NELL2: variants seen among roughly 807,000 people sequenced by gnomAD.
NELL2 encodes the protein protein kinase C-binding protein NELL2.
NELL2 carries 41 observed loss-of-function variants against 109.6 expected under a neutral mutation model. The ratio of observed to expected loss-of-function variants is 0.37; its 90% CI spans 0.29 to 0.49. The LOEUF is 0.49. Among genes scored for constraint, NELL2 ranks in the 20% least tolerant of loss-of-function variants. The pLI is 0.98. For synonymous variants in NELL2, 355 were observed against 344.7 expected, an observed-to-expected ratio of 1.03 and a Z score of -0.33; for missense variants, 900 against 1,008.3, an observed-to-expected ratio of 0.89 and a Z score of 1.45.
chr12:44,739,705 A>G lies in NELL2; in HGVS notation c.995-24964T>C, dbSNP rs527878043. The stretch of plus-strand genomic sequence containing the variant: ...CAGCAGTTCGGGACCAGCCTGGCCA[A>G]CATGGTGAAACCTCATCTCTAATAA... On this transcript the variant is annotated intron_variant, in intron 9 of 19. Transcript: ENST00000429094. Among the ~76,000 whole-genome samples, 22 of 152,324 alleles carry G rather than the reference A, an allele frequency of 1.4e-4. No individual in the cohort carries two copies. In the East Asian group the frequency reaches 3.1e-3, roughly 21 times the overall value.
intron 13 of NELL2, among the ~76,000 whole-genome samples, chr12:44,632,410 A>G (rs1946487426): frequency 6.6e-6 from 1 of 152,126 alleles, no homozygotes. Context: ...TTTCAAAACA[A>G]GCAGACCTGG....
At chr12:44,694,814 T>C (rs7959316) in intron 12 of NELL2, among the ~76,000 whole-genome samples, 8,951 of 151,892 alleles carry the variant, frequency 0.059, 873 homozygotes, top group African/African-American at 0.2. Context: ...GAGAATTGAG[T>C]GCATTCTGTA....
intron 2 of NELL2, among the ~76,000 whole-genome samples, chr12:44,826,984 A>G (rs1435067251): frequency 6.6e-6 from 1 of 152,252 alleles, no homozygotes; most frequent in Non-Finnish European, 1.5e-5. Context: ...TATTTATATC[A>G]TACAATCTCC....
chr12:44,800,604 G>C (rs1566426401), intron 3 of NELL2, among the ~76,000 whole-genome samples: 2 of 152,124 alleles, frequency 1.3e-5, no homozygotes, highest in Non-Finnish European at 2.9e-5. Context: ...GTGAGTAAGT[G>C]ACTCTCAAAG....
intron 15 of NELL2, among the ~76,000 whole-genome samples, chr12:44,548,714 T>C (rs1942907347): frequency 6.6e-6 from 1 of 152,108 alleles, no homozygotes; most frequent in African/African-American, 2.4e-5. Flanking sequence ...TAAATAACAA[T>C]TACTGGTTTG....
intron 2 of NELL2, among the ~76,000 whole-genome samples, chr12:44,854,684 GTGGATGGA>G (rs1423745109): frequency 2.8e-5 from 4 of 140,810 alleles, no homozygotes; most frequent in Non-Finnish European, 6.3e-5. Flanking sequence ...GGATGGATGG[GTGGATGGA>G]TGGGTGGATG....
At position 44,537,937 on chromosome 12, in the gene NELL2, T is replaced by C. The variant is rs138319845; in HGVS notation, c.1664-5216A>G. ...ATATGTAAGTAAAAATGGAAAACCA[T>C]AAAATCCTCTGCACAAGTTGCACCC... On this transcript the variant is annotated intron_variant, in intron 15 of 19. Coordinates refer to ENST00000429094, the MANE Select transcript of NELL2 (RefSeq NM_001145108.2). Among the ~76,000 whole-genome samples, 131 of 152,270 alleles carry C rather than the reference T, an allele frequency of 8.6e-4. 1 individual carries two copies. In the East Asian group the frequency reaches 0.021, roughly 25 times the overall value.
chr12:44,525,718 C>A (rs747296798), intron 16 of NELL2, among the ~76,000 whole-genome samples: 5 of 152,166 alleles, frequency 3.3e-5, no homozygotes, highest in Non-Finnish European at 7.3e-5. Context: ...ACTAATGTTG[C>A]TAAATCCATT....
intron 9 of NELL2, among the ~76,000 whole-genome samples, chr12:44,723,909 TA>T (rs1190599504): frequency 1.3e-5 from 2 of 152,008 alleles, no homozygotes; most frequent in African/African-American, 4.8e-5. Context: ...CCAAGGAAAA[TA>T]ATTCATTCTG....
At chr12:44,860,677 A>G (rs1311122791) in intron 2 of NELL2, among the ~76,000 whole-genome samples, 1 of 146,348 alleles carries the variant, frequency 6.8e-6, no homozygotes, top group East Asian at 2.0e-4. Flanking sequence ...TTGTGATTAC[A>G]TTGGGCCCAG....
At chr12:44,569,997 A>G (rs1472238702) in intron 15 of NELL2, among the ~76,000 whole-genome samples, 1 of 152,156 alleles carries the variant, frequency 6.6e-6, no homozygotes, top group Non-Finnish European at 1.5e-5. Context: ...TCGTGATACA[A>G]CAAGCCTCAT....
At chr12:44,748,658 C>G (rs1168019547) in intron 9 of NELL2, among the ~76,000 whole-genome samples, 1 of 152,078 alleles carries the variant, frequency 6.6e-6, no homozygotes, top group Non-Finnish European at 1.5e-5. Flanking sequence ...AAATTAAATA[C>G]TTTGCTTATT....
intron 16 of NELL2, among the ~76,000 whole-genome samples, chr12:44,524,411 T>A (rs777471323): frequency 6.6e-6 from 1 of 152,184 alleles, no homozygotes; most frequent in Non-Finnish European, 1.5e-5. Flanking sequence ...ATCAGTTGCC[T>A]CTGAGTAAAG....
chr12:44,628,844 A>T, intron 13 of NELL2, among the ~76,000 whole-genome samples: 1 of 152,188 alleles, frequency 6.6e-6, no homozygotes, highest in Non-Finnish European at 1.5e-5. Flanking sequence ...AATTAGGTGA[A>T]TGTACCTTTC....
intron 3 of NELL2, among the ~76,000 whole-genome samples, chr12:44,780,266 T>C (rs1592518448): frequency 6.6e-6 from 1 of 152,120 alleles, no homozygotes; most frequent in Admixed American, 6.5e-5. Flanking sequence ...TATCCTGGAC[T>C]TGGAGCTAAA....
At chr12:44,735,543 G>A (rs1939596041) in intron 9 of NELL2, among the ~76,000 whole-genome samples, 1 of 152,150 alleles carries the variant, frequency 6.6e-6, no homozygotes, top group South Asian at 2.1e-4. Flanking sequence ...TTATTGTGAT[G>A]AGGGTCTGTT....
chr12:44,694,270 G>C (rs1425434512), intron 12 of NELL2, among the ~76,000 whole-genome samples: 2 of 152,146 alleles, frequency 1.3e-5, no homozygotes, highest in Non-Finnish European at 2.9e-5. Flanking sequence ...GACTGAGTAA[G>C]AGGGAAATTT....
At chr12:44,595,593 A>AT (rs57566164) in intron 15 of NELL2, among the ~76,000 whole-genome samples, 6,669 of 121,252 alleles carry the variant, frequency 0.055, 240 homozygotes, top group Non-Finnish European at 0.08. Context: ...CACCCAGCTA[A>AT]TTTTTTTTTT....
chr12:44,703,188 T>A lies in NELL2; in HGVS notation c.1318+538A>T, dbSNP rs562507027. Among the ~76,000 whole-genome samples, 21 of 152,336 alleles carry A rather than the reference T, an allele frequency of 1.4e-4. No homozygotes were observed. In the South Asian group the frequency reaches 3.1e-3, roughly 23 times the overall value. On this transcript the variant is annotated intron_variant, in intron 12 of 19. Coordinates refer to ENST00000429094, the MANE Select transcript of NELL2 (RefSeq NM_001145108.2). ...ACTCACTGTATGTGGACAGTTTCCATGAGAGAATAAACTATCTTGGATATT... is the reference window on the plus strand; with the variant it reads ...ACTCACTGTATGTGGACAGTTTCCAAGAGAGAATAAACTATCTTGGATATT...
Sources: gnomAD v4.1 joint callset for allele counts (sites outside exome capture counted in the v4.1 genomes callset) on GRCh38, gnomAD v4.1.1 for gene constraint, MANE v1.5 for transcripts, NCBI Gene and HGNC (gene_info 2026-07-23, HGNC 2026-07-21) for gene names.